AGBL4: variants seen among roughly 807,000 people sequenced by gnomAD.
AGBL4 encodes the protein AGBL carboxypeptidase 4, also known as cytosolic carboxypeptidase 6.
AGBL4 carries 58 observed loss-of-function variants against 66.4 expected under a neutral mutation model. The ratio of observed to expected loss-of-function variants is 0.87; its 90% CI spans 0.71 to 1.09. The LOEUF (loss-of-function observed/expected upper bound fraction) is 1.09. Ranked by LOEUF, AGBL4 falls within the 50% of genes least tolerant of loss-of-function variation. The probability of loss-of-function intolerance (pLI) is 0.00; values close to 1 mark genes in which losing one functional copy is unlikely to be tolerated. For missense variants in AGBL4, 579 were observed against 631.0 expected, an observed-to-expected ratio of 0.92 and a Z score of 0.88; for synonymous variants, 234 against 222.9, an observed-to-expected ratio of 1.05 and a Z score of -0.44.
intron 3 of AGBL4, among the ~76,000 whole-genome samples, chr1:49,605,483 T>A (rs1042685218): frequency 6.6e-6 from 1 of 152,080 alleles, no homozygotes; most frequent in African/African-American, 2.4e-5. Context: ...AACATTTAAT[T>A]AAGGAAAACA....
At chr1:49,487,781 A>G (rs1557986756) in intron 3 of AGBL4, among the ~76,000 whole-genome samples, 5 of 151,898 alleles carry the variant, frequency 3.3e-5, no homozygotes, top group Non-Finnish European at 1.5e-5. Flanking sequence ...TATGGTCTAG[A>G]AAAGTAACTG....
intron 11 of AGBL4, among the ~76,000 whole-genome samples, chr1:48,582,021 C>CA (rs1219622995): frequency 2.6e-5 from 4 of 152,086 alleles, no homozygotes; most frequent in African/African-American, 9.7e-5. Context: ...GCCTTCCTCC[C>CA]AAAAAATGAA....
intron 3 of AGBL4, among the ~76,000 whole-genome samples, chr1:49,504,531 T>C (rs774541230): frequency 2.0e-5 from 3 of 152,040 alleles, no homozygotes; most frequent in Admixed American, 6.6e-5. Flanking sequence ...AATTTTGGGG[T>C]GCATATATAT....
At chr1:48,582,303 A>T (rs2148333117) in intron 11 of AGBL4, among the ~76,000 whole-genome samples, 1 of 152,350 alleles carries the variant, frequency 6.6e-6, no homozygotes, top group East Asian at 1.9e-4. Flanking sequence ...TGGATTATTG[A>T]TCCAATTAAT....
intron 4 of AGBL4, among the ~76,000 whole-genome samples, chr1:49,075,514 T>C (rs1644692879): frequency 6.6e-6 from 1 of 152,230 alleles, no homozygotes; most frequent in South Asian, 2.1e-4. Flanking sequence ...ATAAATGTTT[T>C]ATCATCACCT....
intron 1 of AGBL4, among the ~76,000 whole-genome samples, chr1:49,853,811 T>C (rs1039265036): frequency 2.6e-5 from 4 of 152,072 alleles, no homozygotes; most frequent in Non-Finnish European, 4.4e-5. Flanking sequence ...AAAGTCAACG[T>C]AAAATTTTAT....
At chr1:48,570,412 A>G (rs1644542719) in intron 11 of AGBL4, among the ~76,000 whole-genome samples, 1 of 152,228 alleles carries the variant, frequency 6.6e-6, no homozygotes, top group African/African-American at 2.4e-5. Flanking sequence ...AGGGCAGGTG[A>G]AATCTCACAG....
chr1:49,281,945 GA>G (rs1286953660), intron 3 of AGBL4, among the ~76,000 whole-genome samples: 3 of 152,228 alleles, frequency 2.0e-5, no homozygotes, highest in African/African-American at 7.2e-5. Context: ...AGGGGCTGTG[GA>G]AACTGCCAAT....
intron 12 of AGBL4, among the ~76,000 whole-genome samples, chr1:48,537,081 G>A (rs1643984563): frequency 6.6e-6 from 1 of 152,200 alleles, no homozygotes; most frequent in African/African-American, 2.4e-5. Context: ...TTTAAAGCCA[G>A]ACTGCTCTTT....
intron 6 of AGBL4, among the ~76,000 whole-genome samples, chr1:48,750,787 T>C (rs1570498369): frequency 6.6e-6 from 1 of 152,146 alleles, no homozygotes; most frequent in African/African-American, 2.4e-5. Context: ...GGAGGCTGGG[T>C]GATTGCATGG....
At chr1:49,314,386 C>G (rs113032046) in intron 3 of AGBL4, among the ~76,000 whole-genome samples, 1 of 151,976 alleles carries the variant, frequency 6.6e-6, no homozygotes, top group South Asian at 2.1e-4. Context: ...CCCTCCAGCC[C>G]CCATCCCCCA....
At chr1:48,674,401 G>A (rs1277537700) in intron 6 of AGBL4, among the ~76,000 whole-genome samples, 1 of 152,156 alleles carries the variant, frequency 6.6e-6, no homozygotes, top group African/African-American at 2.4e-5. Flanking sequence ...AGTGATGAGA[G>A]CAGAGTAGAC....
At chr1:49,374,457 C>A (rs935680022) in intron 3 of AGBL4, 5 of 152,194 alleles carry the variant, frequency 3.3e-5, no homozygotes, top group Admixed American at 6.6e-5. Context: ...TAATTTCCTG[C>A]CTCAGAAATG....
chr1:48,763,663 C>T (rs1458896671), intron 6 of AGBL4, among the ~76,000 whole-genome samples: 1 of 152,142 alleles, frequency 6.6e-6, no homozygotes, highest in African/African-American at 2.4e-5. Flanking sequence ...CTATGCCTTC[C>T]TGCGCTGAAA....
At chr1:49,717,444 T>C (rs1648238523) in intron 2 of AGBL4, among the ~76,000 whole-genome samples, 1 of 152,046 alleles carries the variant, frequency 6.6e-6, no homozygotes, top group East Asian at 1.9e-4. Flanking sequence ...CCTCTTCATG[T>C]GTCTGACCTC....
At chr1:48,994,129 C>A (rs1480627380) in intron 5 of AGBL4, among the ~76,000 whole-genome samples, 1 of 152,170 alleles carries the variant, frequency 6.6e-6, no homozygotes, top group African/African-American at 2.4e-5. Flanking sequence ...TCTTCATTTT[C>A]TACTTCTTTC....
At chr1:49,115,873 G>A (rs1645509171) in intron 4 of AGBL4, among the ~76,000 whole-genome samples, 2 of 152,050 alleles carry the variant, frequency 1.3e-5, no homozygotes, top group Non-Finnish European at 2.9e-5. Flanking sequence ...ACCTGGTAAT[G>A]TGTCGGTGGC....
intron 11 of AGBL4, among the ~76,000 whole-genome samples, chr1:48,549,329 G>T (rs1358517900): frequency 6.6e-6 from 1 of 152,242 alleles, no homozygotes; most frequent in Admixed American, 6.5e-5. Flanking sequence ...TCAGACAAGT[G>T]CATGACTAAA....
intron 3 of AGBL4, among the ~76,000 whole-genome samples, chr1:49,394,150 A>T (rs1377553491): frequency 1.3e-5 from 2 of 151,944 alleles, no homozygotes; most frequent in African/African-American, 4.8e-5. Context: ...TGAGAATTGC[A>T]GCTGAAATGG....
Sources: allele counts gnomAD v4.1 joint callset (sites outside exome capture counted in the v4.1 genomes callset), GRCh38; gene constraint gnomAD v4.1.1; transcripts MANE v1.5; gene names NCBI Gene and HGNC (gene_info 2026-07-23, HGNC 2026-07-21).